Variants in TWNK observed in about 807,000 individuals in gnomAD.
TWNK encodes the protein T7 gp4-like protein with intramitochondrial nucleoid localization.
TWNK carries 36 observed loss-of-function variants against 58.2 expected under a neutral mutation model. That is an observed-to-expected ratio of 0.62 (90% CI 0.47 to 0.82). TWNK has a LOEUF of 0.82. Ranked by LOEUF, TWNK falls within the 40% of genes least tolerant of loss-of-function variation. TWNK has a pLI of 0.00. For synonymous variants in TWNK, 349 were observed against 348.5 expected (o/e 1.00, Z -0.02); for missense variants, 714 against 881.0 (o/e 0.81, Z 2.40).
At position 100,989,508 on chromosome 10, in the gene TWNK, A is replaced by G; in HGVS notation, c.1243+55A>G. The G allele has an allele frequency of 6.2e-7, 1 of 1,610,902 alleles. No homozygotes were observed. Among genetic ancestry groups the G allele is most frequent in the Non-Finnish European group, 8.5e-7 (1 of 1,179,518 alleles). On this transcript the variant is annotated intron_variant, in intron 1 of 4. Transcript: ENST00000311916. The surrounding 1 kb of genome is among the most constrained non-coding windows in gnomAD (Gnocchi z 7.6). ...TAAAGGGGCAGAAGATCAGGTGACA[A>G]AAGCAAGTGGGTTTGGGCCATGACA... is the stretch of plus-strand genomic sequence containing the variant.
In TWNK at chr10:100,988,493, GGTGTTACCACTTCCTTCA is replaced by G. The variant is rs1851649646; in HGVS notation, c.285_302del (p.Val96_Ser101del). ...GTCTTCACAGCTCAAAGGCCAGACT[GGTGTTACCACTTCCTTCA>G]GCCTCTTCATTGACAAGACCACAGG... On this transcript the variant is annotated inframe_deletion, in exon 1 of 5. Coordinates refer to ENST00000311916, the MANE Select transcript of TWNK (RefSeq NM_021830.5). This position sits in a 1 kb window ranked among gnomAD's most constrained non-coding sequence, Gnocchi z 5.2. 5 of 1,614,116 alleles carry G rather than the reference GGTGTTACCACTTCCTTCA, an allele frequency of 3.1e-6. No individual in the cohort carries two copies. Among genetic ancestry groups the G allele is most frequent in the Admixed American group, 3.3e-5 (2 of 60,010 alleles).
chr10:100,991,941 C>T (rs867535013), intron 4 of TWNK, among the ~76,000 whole-genome samples: 63 of 151,162 alleles, frequency 4.2e-4, no homozygotes, highest in African/African-American at 1.4e-3. Context: ...GGCGTGAACC[C>T]GGGAGGCGGA....
chr10:100,990,409 C>G (rs780573125), intron 2 of TWNK, 27 bp from the exon 3 acceptor site: 2 of 1,584,584 alleles, frequency 1.3e-6, no homozygotes, highest in African/African-American at 1.3e-5. Context: ...GACAACTTGT[C>G]AAATTCCTTG....
In TWNK at chr10:100,987,771, G is replaced by C. The variant is rs1269827654; in HGVS notation, c.-440G>C. 1.7e-6 allele frequency: 1 copy of C among 583,076 alleles called. No homozygotes were observed. The highest frequency in any genetic ancestry group is 3.0e-6 in the Non-Finnish European group (1 of 330,362). 36.1% of individuals were successfully genotyped at this position (583,076 alleles called of 1,614,324 possible). A position where few individuals can be genotyped will look rare whatever the true frequency, so the allele number is the denominator to read the frequency against. On this transcript the variant is annotated 5_prime_UTR_variant, in exon 1 of 5. Coordinates refer to ENST00000311916, the MANE Select transcript of TWNK (RefSeq NM_021830.5). ...GTTGAGGTCCCAGTGAGGGGAAGGA[G>C]AAGCGGAAGAGGGTCTCTAGTCGGG...
chr10:100,991,282 G>A (rs1851766113), intron 4 of TWNK: 2 of 526,380 alleles, frequency 3.8e-6, no homozygotes, highest in Admixed American at 6.5e-5. Context: ...AGTATGATAG[G>A]CAGCACAAGT....
Position 100,987,711 on chromosome 10 carries a change from G to T in TWNK, c.-500G>T. ...GAGACTGGCATTCCTTTGGGCCGGG[G>T]GATTGGCGGGAGTCGTGCTGGGTGC... On this transcript the variant is annotated 5_prime_UTR_variant, in exon 1 of 5. Coordinates refer to ENST00000311916, the MANE Select transcript of TWNK (RefSeq NM_021830.5). 3.4e-6 allele frequency: 2 copies of T among 589,628 alleles called. No homozygotes were observed. The highest frequency in any genetic ancestry group is 4.2e-5 in the South Asian group (2 of 47,314). The allele number at this position is 589,628 out of a possible 1,614,324, so 36.5% of individuals were successfully genotyped here.
At chr10:100,991,066 C>A (rs1168908513) in intron 4 of TWNK, 56 bp downstream of exon 4, 1 of 1,610,856 alleles carries the variant, frequency 6.2e-7, no homozygotes, top group Non-Finnish European at 8.5e-7. Context: ...TAGGTGTGAC[C>A]AGGGACAGCC....
rs974370773 is a variant in TWNK at position 100,993,317 on chromosome 10, T to A, written c.1862T>A (p.Phe621Tyr). The A allele has an allele frequency of 6.2e-7, 1 of 1,614,170 alleles. No individual in the cohort carries two copies. Among genetic ancestry groups the A allele is most frequent in the Non-Finnish European group, 8.5e-7 (1 of 1,180,034 alleles). The change falls in exon 5 of 5, where the codon TTC becomes TAC. Residue 621 changes from phenylalanine to tyrosine, a missense_variant. Around this residue, in one of 3 missense-constraint regions of TWNK, gnomAD observed 302 missense variants for 438.6 expected, o/e 0.69. Transcript: ENST00000311916. ...GATGTAGGTGTCTTCCCGCTTGAGT[T>A]CAACAAGAACTCCCTCACCTTCTCC... ...DGDVGVFPLE[F>Y]NKNSLTFSIP...
Position 100,989,802 on chromosome 10 carries a change from C to G in TWNK, c.1402C>G (p.Leu468Val). ...TGCCGAGGGGCGGCTGGAAGATCAA[C>G]TGGACAAATATGATCACTGGGCTGA... ...QFAEGRLEDQ[L>V]DKYDHWADRF... The change falls in exon 2 of 5, where the codon CTG becomes GTG. Residue 468 changes from leucine to valine, a missense_variant. By Grantham distance (32) the Leu-to-Val change is conservative (BLOSUM62 1). Around this residue, in one of 3 missense-constraint regions of TWNK, gnomAD observed 302 missense variants for 438.6 expected, o/e 0.69. Coordinates refer to ENST00000311916, the MANE Select transcript of TWNK (RefSeq NM_021830.5). The surrounding 1 kb of genome is among the most constrained non-coding windows in gnomAD (Gnocchi z 7.6). The G allele has an allele frequency of 1.2e-6, 2 of 1,614,206 alleles. No individual in the cohort carries two copies. The highest frequency in any genetic ancestry group is 1.7e-6 in the Non-Finnish European group (2 of 1,180,038).
Position 100,989,167 on chromosome 10 carries a change from G to A in TWNK, c.957G>A (p.Lys319=). The A allele has an allele frequency of 1.2e-6, 2 of 1,612,912 alleles. No individual in the cohort carries two copies. The highest frequency in any genetic ancestry group is 2.2e-5 in the East Asian group (1 of 44,844). Residue 319 remains lysine, a synonymous_variant, in exon 1 of 5, where the codon AAG becomes AAA. Transcript: ENST00000311916. The surrounding 1 kb of genome is among the most constrained non-coding windows in gnomAD (Gnocchi z 7.6). ...ACCTTCGGTCCTGGGAAGCCGCCAA[G>A]TTGTTTGCACGAAAACTGAACCCCA... ...GDDLRSWEAA[K]LFARKLNPKR... is the part of the protein sequence containing the mutation.
chr10:100,991,097 T>C, intron 4 of TWNK, 87 bp downstream of exon 4: 2 of 1,590,010 alleles, frequency 1.3e-6, no homozygotes, highest in Non-Finnish European at 1.7e-6. Flanking sequence ...CTTAATCGTC[T>C]TGACTGTCCA....
chr10:100,988,598 G>T lies in TWNK; in HGVS notation c.388G>T (p.Glu130Ter), dbSNP rs1285025956. ...GSWEDFQASV[E>*]GRGDGAREGF... is the part of the protein sequence containing the mutation. The stretch of plus-strand genomic sequence containing the variant: ...CTGGGAAGACTTCCAGGCCAGCGTG[G>T]AGGGGCGAGGGGATGGGGCCAGGGA... The change falls in exon 1 of 5, where the codon GAG (glutamate) becomes TAG (stop). Residue 130 changes from glutamate to a stop codon, truncating the protein, a stop_gained. Transcript: ENST00000311916. LOFTEE classifies it high-confidence loss of function. This position sits in a 1 kb window ranked among gnomAD's most constrained non-coding sequence, Gnocchi z 5.2. 1.2e-6 allele frequency: 2 copies of T among 1,613,938 alleles called. No individual in the cohort carries two copies. Among genetic ancestry groups the T allele is most frequent in the South Asian group, 2.2e-5 (2 of 91,088 alleles).
In TWNK at chr10:100,988,675, G is replaced by C. The variant is rs1385692755; in HGVS notation, c.465G>C (p.Arg155=). The change falls in exon 1 of 5, where the codon CGG becomes CGC. Residue 155 remains arginine (R), a synonymous_variant. Transcript: ENST00000311916. This position sits in a 1 kb window ranked among gnomAD's most constrained non-coding sequence, Gnocchi z 5.2. Reference sequence around the variant, plus strand: ...AATTTGAGGACAGCGAGGAGGTCCGGAGGATCTGGAACCGAGCAATACCTC... The same window carrying C: ...AATTTGAGGACAGCGAGGAGGTCCGCAGGATCTGGAACCGAGCAATACCTC... The part of the protein sequence containing the change: ...APEFEDSEEV[R]RIWNRAIPLW... The C allele has an allele frequency of 2.5e-6, 4 of 1,613,994 alleles. No individual in the cohort carries two copies. The highest frequency in any genetic ancestry group is 3.4e-6 in the Non-Finnish European group (4 of 1,180,014).
At chr10:100,990,623 G>A in intron 3 of TWNK, 80 bp downstream of exon 3, 2 of 1,611,210 alleles carry the variant, frequency 1.2e-6, no homozygotes, top group Non-Finnish European at 1.7e-6. Flanking sequence ...TGGCCTCTAG[G>A]CACACATGCT....
At position 100,989,158 on chromosome 10, in the gene TWNK, A is replaced by G. The variant is rs758233744; in HGVS notation, c.948A>G (p.Glu316=). ...TGGGGGATGACCTTCGGTCCTGGGAAGCCGCCAAGTTGTTTGCACGAAAAC... is the reference window on the plus strand; with the variant it reads ...TGGGGGATGACCTTCGGTCCTGGGAGGCCGCCAAGTTGTTTGCACGAAAAC... The part of the protein sequence containing the change: ...FWLGDDLRSW[E]AAKLFARKLN... The change falls in exon 1 of 5, where the codon GAA becomes GAG. Residue 316 remains glutamate, a synonymous_variant. Transcript: ENST00000311916. The surrounding 1 kb of genome is among the most constrained non-coding windows in gnomAD (Gnocchi z 7.6). The G allele has an allele frequency of 6.2e-7, 1 of 1,612,420 alleles. No homozygotes were observed. The highest frequency in any genetic ancestry group is 8.5e-7 in the Non-Finnish European group (1 of 1,178,574).
At position 100,989,860 on chromosome 10, in the gene TWNK, C is replaced by CT. The variant is rs863223925; in HGVS notation, c.1463dup (p.His489ProfsTer21). ...GAGGACCTGCCCCTCTATTTCATGA[C>CT]TTTCCATGGACAGCAAAGCATCAGG... is the stretch of plus-strand genomic sequence containing the variant. On this transcript the variant is annotated frameshift_variant, in exon 2 of 5. Transcript: ENST00000311916. LOFTEE classifies it high-confidence loss of function. This position sits in a 1 kb window ranked among gnomAD's most constrained non-coding sequence, Gnocchi z 7.6. 6.2e-7 allele frequency: 1 copy of CT among 1,614,218 alleles called. No individual in the cohort carries two copies.
In TWNK at chr10:100,988,124, G is replaced by T; in HGVS notation, c.-87G>T. On this transcript the variant is annotated 5_prime_UTR_variant, in exon 1 of 5. The change creates a premature stop within an existing upstream ORF in the 5' untranslated region. Coordinates refer to ENST00000311916, the MANE Select transcript of TWNK (RefSeq NM_021830.5). The surrounding 1 kb of genome is among the most constrained non-coding windows in gnomAD (Gnocchi z 5.2). ...AGTGAGCTCTGCAGAGTGCTGCGTG[G>T]GATATCCCTAGAGTTTGGTCTAGTG... 2 of 1,425,242 alleles carry T rather than the reference G, an allele frequency of 1.4e-6. No homozygotes were observed. Among genetic ancestry groups the T allele is most frequent in the Non-Finnish European group, 9.9e-7 (1 of 1,010,424 alleles). 88.3% of individuals were successfully genotyped at this position (1,425,242 alleles called of 1,614,324 possible). A position where few individuals can be genotyped will look rare whatever the true frequency, so the allele number is the denominator to read the frequency against.
chr10:100,988,893 G>A lies in TWNK; in HGVS notation c.683G>A (p.Gly228Glu), dbSNP rs1257628421. 3.1e-6 allele frequency: 5 copies of A among 1,614,190 alleles called. No homozygotes were observed. Among genetic ancestry groups the A allele is most frequent in the South Asian group, 2.2e-5 (2 of 91,084 alleles). The stretch of plus-strand genomic sequence containing the variant: ...AAGCTCCTAGAGGCTAAATGCCAGG[G>A]GGATGGAGTGAGCTACGAGGAAACC... The part of the protein sequence containing the change: ...GLKLLEAKCQ[G>E]DGVSYEETTI... The change falls in exon 1 of 5, where the codon GGG (glycine) becomes GAG (glutamate). Residue 228 changes from glycine to glutamate, a missense_variant. By Grantham distance (98) the Gly-to-Glu change is moderately conservative. Transcript: ENST00000311916. This position sits in a 1 kb window ranked among gnomAD's most constrained non-coding sequence, Gnocchi z 5.2.
chr10:100,989,638 C>T lies in TWNK; in HGVS notation c.1244-6C>T, dbSNP rs778038512. The T allele has an allele frequency of 6.2e-7, 1 of 1,614,052 alleles. No homozygotes were observed. The highest frequency in any genetic ancestry group is 8.5e-7 in the Non-Finnish European group (1 of 1,180,050). ...CCTCACCCAGGTCTGTTCCACCCCACTGCAGGGCCAACAGGCAGTGGAAAG... is the reference window on the plus strand; with the variant it reads ...CCTCACCCAGGTCTGTTCCACCCCATTGCAGGGCCAACAGGCAGTGGAAAG... On this transcript the variant is annotated splice_region_variant and splice_polypyrimidine_tract_variant and intron_variant, in intron 1 of 4. Coordinates refer to ENST00000311916, the MANE Select transcript of TWNK (RefSeq NM_021830.5). The surrounding 1 kb of genome is among the most constrained non-coding windows in gnomAD (Gnocchi z 7.6).
Sources: gnomAD v4.1 joint callset for allele counts (sites outside exome capture counted in the v4.1 genomes callset) on GRCh38, gnomAD v4.1.1 for gene constraint, gnomAD v4.1.1 regional missense constraint, Gnocchi (gnomAD v3.1) non-coding constraint, MANE v1.5 for transcripts, NCBI Gene and HGNC (gene_info 2026-07-23, HGNC 2026-07-21) for gene names.